SCN11A: variants seen among roughly 807,000 people sequenced by gnomAD.
The protein encoded by SCN11A is sodium channel protein type 11 subunit alpha.
Under a neutral mutation model 162.2 loss-of-function variants are expected in SCN11A, and 122 were observed. The observed-to-expected ratio is 0.75, with a 90% CI of 0.65 to 0.87. SCN11A has a LOEUF of 0.87. Ranked by LOEUF, SCN11A falls within the 40% of genes least tolerant of loss-of-function variation. The probability of loss-of-function intolerance (pLI) is 0.00; values close to 1 mark genes in which losing one functional copy is unlikely to be tolerated. For synonymous variants in SCN11A, 758 were observed against 751.5 expected (o/e 1.01, Z -0.14); for missense variants, 2,015 against 2,181.6 (o/e 0.92, Z 1.52).
intron 2 of SCN11A, among the ~76,000 whole-genome samples, chr3:38,977,944 C>G (rs563901775): frequency 2.2e-4 from 34 of 152,296 alleles, no homozygotes; most frequent in Non-Finnish European, 5.0e-4. Context: ...CCTCTCCCCA[C>G]CAATATTACT....
chr3:39,038,765 C>T (rs1347596742), intron 1 of SCN11A, among the ~76,000 whole-genome samples: 1 of 152,016 alleles, frequency 6.6e-6, no homozygotes, highest in African/African-American at 2.4e-5. Flanking sequence ...ATGAAGTTTA[C>T]AACAGTATCA....
chr3:38,951,578 C>G (rs1009161001), intron 4 of SCN11A, among the ~76,000 whole-genome samples: 12 of 152,366 alleles, frequency 7.9e-5, no homozygotes, highest in Non-Finnish European at 1.2e-4. Context: ...CCTGCGGCCC[C>G]GGTGCGGGAT....
chr3:38,857,296 A>C (rs2126084969), intron 28 of SCN11A, among the ~76,000 whole-genome samples: 1 of 152,240 alleles, frequency 6.6e-6, no homozygotes, highest in South Asian at 2.1e-4. Flanking sequence ...AGAGAAATAG[A>C]TATCATAAAG....
chr3:38,850,709 T>C lies in SCN11A; in HGVS notation c.4099A>G (p.Ile1367Val), dbSNP rs367580453. 6.2e-7 allele frequency: 1 copy of C among 1,613,420 alleles called. No individual in the cohort carries two copies. Among genetic ancestry groups the C allele is most frequent in the South Asian group, 1.1e-5 (1 of 90,980 alleles). The change falls in exon 29 of 30, where the codon ATC becomes GTC. Residue 1367 changes from isoleucine (I) to valine (V), a missense_variant. Physicochemically the swap from Ile to Val is conservative, Grantham distance 29 (BLOSUM62 3). Transcript: ENST00000302328. ...AGACTTATGATGATGATGTCAAAGA[T>C]CTGGCTTGTGACTATGTCGAACACG... is the stretch of plus-strand genomic sequence containing the variant. The part of the protein sequence containing the change: ...GLVFDIVTSQ[I>V]FDIIIISLII...
intron 2 of SCN11A, among the ~76,000 whole-genome samples, chr3:38,980,941 C>A (rs2030015944): frequency 6.6e-6 from 1 of 152,064 alleles, no homozygotes; most frequent in Non-Finnish European, 1.5e-5. Context: ...TTACACAGAG[C>A]CTGAAATTTC....
intron 2 of SCN11A, among the ~76,000 whole-genome samples, chr3:39,002,453 T>C (rs903531097): frequency 6.6e-6 from 1 of 152,190 alleles, no homozygotes; most frequent in Admixed American, 6.5e-5. Flanking sequence ...CAGGAAAACA[T>C]ACACAGTCCA....
intron 2 of SCN11A, among the ~76,000 whole-genome samples, chr3:38,961,671 A>G (rs1379560783): frequency 6.6e-6 from 1 of 152,252 alleles, no homozygotes; most frequent in African/African-American, 2.4e-5. Flanking sequence ...ATTATCTTAA[A>G]GAGCCCTGGC....
At chr3:38,938,818 CCTCCCAAAGCG>C (rs1312603101) in intron 7 of SCN11A, among the ~76,000 whole-genome samples, 1 of 151,454 alleles carries the variant, frequency 6.6e-6, no homozygotes, top group Non-Finnish European at 1.5e-5. Context: ...CCCGCCTCGG[CCTCCCAAAGCG>C]CTGGGATTAC....
rs561204433 is a variant in SCN11A, at chr3:39,042,957, C to CAAAAAAAAAAAAAAAAAAAA, written c.-404+8884_-404+8903dup. 4.4e-4 allele frequency among the ~76,000 whole-genome samples: 29 copies of CAAAAAAAAAAAAAAAAAAAA among 65,944 alleles called. 1 individual carries two copies. Among genetic ancestry groups the CAAAAAAAAAAAAAAAAAAAA allele is most frequent in the South Asian group, 6.9e-4 (1 of 1,458 alleles). The allele number at this position is 65,944 out of a possible 152,430, so 43.3% of individuals were successfully genotyped here. Reference sequence around the variant, plus strand: ...GGGCAACAAGAGCGAAACTCCATCTCAAAAAAAAAAAAAAAAAAAAAAGAA... The same window carrying CAAAAAAAAAAAAAAAAAAAA: ...GGGCAACAAGAGCGAAACTCCATCTCAAAAAAAAAAAAAAAAAAAAAAAAAAAAAAAAAAAAAAAAAAGAA... On this transcript the variant is annotated intron_variant, in intron 1 of 29. Transcript: ENST00000302328.
At chr3:38,858,943 A>G (rs2064917987) in intron 28 of SCN11A, among the ~76,000 whole-genome samples, 1 of 152,174 alleles carries the variant, frequency 6.6e-6, no homozygotes, top group South Asian at 2.1e-4. Context: ...CAATGAAATC[A>G]AGATGGAAAT....
At chr3:38,998,849 T>C (rs888604151) in intron 2 of SCN11A, among the ~76,000 whole-genome samples, 15 of 137,812 alleles carry the variant, frequency 1.1e-4, no homozygotes, top group South Asian at 2.3e-4. Flanking sequence ...TAGGTGGGAA[T>C]TGAACAATGA....
chr3:38,973,179 A>G (rs1575343070), intron 2 of SCN11A, among the ~76,000 whole-genome samples: 1 of 152,350 alleles, frequency 6.6e-6, no homozygotes, highest in Non-Finnish European at 1.5e-5. Context: ...CTTTTTCTAA[A>G]CAATATTTAA....
chr3:39,041,232 C>T (rs2032043016), intron 1 of SCN11A, among the ~76,000 whole-genome samples: 1 of 152,098 alleles, frequency 6.6e-6, no homozygotes, highest in Admixed American at 6.5e-5. Flanking sequence ...CAAATATTCA[C>T]ATTCTGAATG....
intron 18 of SCN11A, 37 bp downstream of exon 18, chr3:38,896,808 C>CTTT (rs5848481): frequency 5.7e-4 from 639 of 1,124,614 alleles, no homozygotes; most frequent in African/African-American, 1.3e-3. Flanking sequence ...CATGTAGGAT[C>CTTT]TTTTTTTTTT....
chr3:38,949,835 T>C (rs1328325235), intron 5 of SCN11A, among the ~76,000 whole-genome samples: 4 of 152,218 alleles, frequency 2.6e-5, no homozygotes, highest in Non-Finnish European at 4.4e-5. Context: ...CTTCATTTTG[T>C]GTTTTCTCTG....
chr3:38,978,586 C>T (rs989788455), intron 2 of SCN11A, among the ~76,000 whole-genome samples: 4 of 151,778 alleles, frequency 2.6e-5, no homozygotes, highest in South Asian at 4.2e-4. Flanking sequence ...GCAGAGGTTG[C>T]GGTGAACCGA....
chr3:39,034,850 TAAC>T (rs1575367802), intron 1 of SCN11A, among the ~76,000 whole-genome samples: 1 of 152,062 alleles, frequency 6.6e-6, no homozygotes, highest in South Asian at 2.1e-4. Flanking sequence ...CTATTTACAA[TAAC>T]AACAAATCAA....
chr3:38,954,240 G>C (rs2066654812), intron 3 of SCN11A, among the ~76,000 whole-genome samples: 1 of 152,194 alleles, frequency 6.6e-6, no homozygotes, highest in Non-Finnish European at 1.5e-5. Flanking sequence ...ATGTGTAATT[G>C]AATTTGTATG....
chr3:38,954,770 C>T (rs2125580781), intron 3 of SCN11A, among the ~76,000 whole-genome samples: 1 of 152,302 alleles, frequency 6.6e-6, no homozygotes, highest in East Asian at 1.9e-4. Flanking sequence ...AGATGGATTA[C>T]CTGAGGTCAG....
Sources: gnomAD v4.1 joint callset for allele counts (sites outside exome capture counted in the v4.1 genomes callset) on GRCh38, gnomAD v4.1.1 for gene constraint, MANE v1.5 for transcripts, NCBI Gene and HGNC (gene_info 2026-07-23, HGNC 2026-07-21) for gene names.